CRYBG1: variants seen among roughly 807,000 people sequenced by gnomAD.
The protein encoded by CRYBG1 is beta/gamma crystallin domain-containing protein 1.
In CRYBG1, 139 loss-of-function variants were observed where a neutral mutation model predicts 189.2. The observed-to-expected ratio is 0.73, with a 90% CI of 0.64 to 0.85. The LOEUF (loss-of-function observed/expected upper bound fraction) is 0.85, where lower values mean the gene tolerates loss of function less well. Ranked by LOEUF, CRYBG1 falls within the 40% of genes least tolerant of loss-of-function variation. The pLI is 0.00. For synonymous variants in CRYBG1, 1,023 were observed against 1,017.1 expected, an observed-to-expected ratio of 1.01 and a Z score of -0.11; for missense variants, 2,611 against 2,675.8, an observed-to-expected ratio of 0.98 and a Z score of 0.53.
At chr6:106,526,777 C>T (rs1232293531) in intron 6 of CRYBG1, among the ~76,000 whole-genome samples, 3 of 151,788 alleles carry the variant, frequency 2.0e-5, no homozygotes, top group African/African-American at 4.8e-5. Flanking sequence ...TCAGTCTCTA[C>T]TAAAAATACA....
At chr6:106,460,686 A>G (rs372885988) in intron 2 of CRYBG1, among the ~76,000 whole-genome samples, 1 of 152,180 alleles carries the variant, frequency 6.6e-6, no homozygotes, top group East Asian at 1.9e-4. Flanking sequence ...CTCATATGCA[A>G]TGAAACTAGA....
intron 1 of CRYBG1, among the ~76,000 whole-genome samples, chr6:106,405,799 G>C (rs959860468): frequency 1.5e-4 from 23 of 152,214 alleles, no homozygotes; most frequent in Admixed American, 4.6e-4. Context: ...CTGTTAGAAG[G>C]AAACTTAACA....
intron 1 of CRYBG1, among the ~76,000 whole-genome samples, chr6:106,378,940 A>G (rs953859713): frequency 5.3e-5 from 8 of 152,026 alleles, no homozygotes; most frequent in African/African-American, 1.9e-4. Context: ...ACCTGAGGTG[A>G]TCGAAACCAA....
chr6:106,489,986 A>T (rs1476553919), intron 2 of CRYBG1, among the ~76,000 whole-genome samples: 1 of 152,204 alleles, frequency 6.6e-6, no homozygotes, highest in Non-Finnish European at 1.5e-5. Context: ...AAATGTGCAT[A>T]GGTGAAGAAA....
Position 106,512,848 on chromosome 6 carries a change from G to A in CRYBG1, c.1731G>A (p.Ser577=), listed in dbSNP as rs760681444. 1.9e-6 allele frequency: 3 copies of A among 1,583,568 alleles called. No individual in the cohort carries two copies. The highest frequency in any genetic ancestry group is 2.3e-5 in the East Asian group (1 of 43,192). Residue 577 remains serine (S), a synonymous_variant, in exon 3 of 22, where the codon TCG becomes TCA. Coordinates refer to ENST00000633556, the MANE Select transcript of CRYBG1 (RefSeq NM_001371242.2). The part of the protein sequence containing the change: ...IPRELPVKSS[S]LLPEIKPEHK... ...GCGAGCTCCCGGTCAAGAGCAGCTC[G>A]CTGCTGCCGGAGATCAAGCCCGAGC... is the stretch of plus-strand genomic sequence containing the variant.
intron 8 of CRYBG1, among the ~76,000 whole-genome samples, chr6:106,534,737 A>T (rs1271732357): frequency 6.6e-6 from 1 of 152,094 alleles, no homozygotes; most frequent in Admixed American, 6.5e-5. Context: ...TTTGTTTTTA[A>T]ATCTTTCTTT....
At chr6:106,395,704 C>T (rs1770590049) in intron 1 of CRYBG1, among the ~76,000 whole-genome samples, 1 of 152,040 alleles carries the variant, frequency 6.6e-6, no homozygotes, top group Non-Finnish European at 1.5e-5. Context: ...TTTGCCATCC[C>T]TGAAGGAGTC....
chr6:106,448,258 G>A (rs1051911169), intron 1 of CRYBG1, among the ~76,000 whole-genome samples: 3 of 152,164 alleles, frequency 2.0e-5, no homozygotes, highest in South Asian at 4.1e-4. Flanking sequence ...CACGAGGAAA[G>A]GGAATTTAGC....
At chr6:106,409,394 C>T (rs1054802776) in intron 1 of CRYBG1, among the ~76,000 whole-genome samples, 24 of 152,186 alleles carry the variant, frequency 1.6e-4, no homozygotes, top group African/African-American at 5.8e-4. Flanking sequence ...AATGGAAAAA[C>T]ATTCCACGCT....
chr6:106,557,491 G>A lies in CRYBG1; in HGVS notation c.5716-995G>A, dbSNP rs867435471. 4.6e-5 allele frequency among the ~76,000 whole-genome samples: 7 copies of A among 151,354 alleles called. No individual in the cohort carries two copies. In the East Asian group the frequency reaches 7.8e-4, roughly 17 times the overall value. ...ATGATCTTGACTCACTGCAACCTCC[G>A]CCTCCCAGGTTCAAGTGATTCTCTA... On this transcript the variant is annotated intron_variant, in intron 17 of 21. Transcript: ENST00000633556.
Position 106,511,652 on chromosome 6 carries a change from G to T in CRYBG1, c.535G>T (p.Asp179Tyr), listed in dbSNP as rs112419163. 2.0e-5 allele frequency: 30 copies of T among 1,535,788 alleles called. No individual in the cohort carries two copies. The African/African-American group carries it at 2.6e-4, about 13-fold the overall frequency. The change falls in exon 3 of 22, where the codon GAC becomes TAC. Residue 179 changes from aspartate (D) to tyrosine (Y), a missense_variant. This residue lies in a region of CRYBG1 where 985 missense variants were observed against 924.4 expected (regional missense o/e 1.07). Transcript: ENST00000633556. Reference protein sequence around the residue: ...RSQSSQLKQTDTSEEGSPREN... With the variant: ...RSQSSQLKQTYTSEEGSPREN... The stretch of plus-strand genomic sequence containing the variant: ...TCAGAGCAGCCAACTGAAGCAAACG[G>T]ACACAAGCGAGGAGGGCTCCCCGCG...
Position 106,544,888 on chromosome 6 carries a change from C to T in CRYBG1, c.5267C>T (p.Thr1756Ile). The change falls in exon 13 of 22, where the codon ACT (threonine) becomes ATT (isoleucine). Residue 1756 changes from threonine to isoleucine, a missense_variant. Physicochemically the swap from Thr to Ile is moderately conservative, Grantham distance 89. Coordinates refer to ENST00000633556, the MANE Select transcript of CRYBG1 (RefSeq NM_001371242.2). ...GGAATTGTTGCTAATTTAAAGGAGA[C>T]TGGATATGGAGTGAAGACACAGTCT... ...VLGIVANLKE[T>I]GYGVKTQSIN... The T allele has an allele frequency of 6.2e-7, 1 of 1,613,356 alleles. No individual in the cohort carries two copies. The highest frequency in any genetic ancestry group is 8.5e-7 in the Non-Finnish European group (1 of 1,179,768).
intron 1 of CRYBG1, among the ~76,000 whole-genome samples, chr6:106,402,201 T>C (rs1034542997): frequency 1.7e-5 from 2 of 115,870 alleles, no homozygotes; most frequent in African/African-American, 6.9e-5. Context: ...AGAATCAATA[T>C]CGTGAAAATG....
chr6:106,444,003 T>C (rs1021499086), intron 1 of CRYBG1, among the ~76,000 whole-genome samples: 2 of 152,222 alleles, frequency 1.3e-5, no homozygotes, highest in African/African-American at 4.8e-5. Flanking sequence ...AATATAACCA[T>C]ATTCTGCCAG....
At chr6:106,552,003 G>A (rs762530322) in intron 14 of CRYBG1, 25 bp downstream of exon 14, 3 of 1,573,578 alleles carry the variant, frequency 1.9e-6, no homozygotes, top group Non-Finnish European at 2.6e-6. Context: ...TTTTGTATGA[G>A]AATATTTAAC....
chr6:106,468,952 A>T (rs57611207), intron 2 of CRYBG1, among the ~76,000 whole-genome samples: 12,773 of 152,182 alleles, frequency 0.084, 695 homozygotes, highest in East Asian at 0.21. Context: ...TTACAGGATG[A>T]ATCAGATCCA....
intron 3 of CRYBG1, among the ~76,000 whole-genome samples, chr6:106,517,327 T>TAAAC (rs1179339267): frequency 8.5e-6 from 1 of 117,038 alleles, no homozygotes; most frequent in African/African-American, 3.3e-5. Flanking sequence ...CATATATATA[T>TAAAC]ACACATATAT....
intron 2 of CRYBG1, among the ~76,000 whole-genome samples, chr6:106,481,243 G>A (rs1582787197): frequency 1.7e-5 from 1 of 58,730 alleles, no homozygotes; most frequent in Non-Finnish European, 3.0e-5. Flanking sequence ...CAAAGTGCTG[G>A]GATTACAGGC....
chr6:106,462,164 T>TTTTTGTTTTG (rs532831805), intron 2 of CRYBG1, among the ~76,000 whole-genome samples: 3 of 152,090 alleles, frequency 2.0e-5, no homozygotes, highest in Non-Finnish European at 1.5e-5. Context: ...GTTTTTTGTT[T>TTTTTGTTTTG]TTTTGTTTTG....
Sources: gnomAD v4.1 joint callset for allele counts (sites outside exome capture counted in the v4.1 genomes callset) on GRCh38, gnomAD v4.1.1 for gene constraint, gnomAD v4.1.1 regional missense constraint, MANE v1.5 for transcripts, NCBI Gene and HGNC (gene_info 2026-07-23, HGNC 2026-07-21) for gene names.